Variants in ACSM5 observed in about 807,000 individuals in gnomAD.
ACSM5 encodes acyl-coenzyme A synthetase ACSM5, mitochondrial.
Under a neutral mutation model 71.6 loss-of-function variants are expected in ACSM5, and 56 were observed. The ratio of observed to expected loss-of-function variants is 0.78; its 90% confidence interval spans 0.63 to 0.98. The LOEUF (loss-of-function observed/expected upper bound fraction) is 0.98. Ranked by LOEUF, ACSM5 falls within the 50% of genes least tolerant of loss-of-function variation. The pLI, the probability that ACSM5 is intolerant of heterozygous loss-of-function variation, is 0.00. For missense variants in ACSM5, 723 were observed against 726.0 expected (o/e 1.00, Z 0.05); for synonymous variants, 285 against 281.5 (o/e 1.01, Z -0.12).
chr16:20,424,957 G>T (rs958081568), intron 6 of ACSM5, among the ~76,000 whole-genome samples: 153 of 152,168 alleles, frequency 1.0e-3, no homozygotes, highest in African/African-American at 3.4e-3. Flanking sequence ...AGAGAATGGG[G>T]TATCCATACC....
At chr16:20,428,145 C>T (rs1278281346) in intron 7 of ACSM5, among the ~76,000 whole-genome samples, 8 of 152,182 alleles carry the variant, frequency 5.3e-5, no homozygotes, top group African/African-American at 1.7e-4. Context: ...AGATTTAAGG[C>T]AGACTGAAAT....
At chr16:20,417,992 CA>C in intron 2 of ACSM5, 66 bp from the exon 3 acceptor site, 1 of 1,447,498 alleles carries the variant, frequency 6.9e-7, no homozygotes, top group Non-Finnish European at 9.5e-7. Flanking sequence ...AAACATTAAA[CA>C]GCAACAAGCA....
At chr16:20,421,674 T>C (rs975566133) in intron 5 of ACSM5, among the ~76,000 whole-genome samples, 1 of 142,670 alleles carries the variant, frequency 7.0e-6, no homozygotes, top group African/African-American at 2.7e-5. Context: ...CACATATATA[T>C]ACATACATAC....
chr16:20,417,442 A>G lies in ACSM5; in HGVS notation c.205-617A>G, dbSNP rs573952971. On this transcript the variant is annotated intron_variant, in intron 2 of 13. Coordinates refer to ENST00000331849, the MANE Select transcript of ACSM5 (RefSeq NM_017888.3). ...TGAAAGCATTGTACAAAGTGAAAGAAACCAAACATAAAGCTACATATCATA... is the reference window on the plus strand; with the variant it reads ...TGAAAGCATTGTACAAAGTGAAAGAGACCAAACATAAAGCTACATATCATA... Among the ~76,000 whole-genome samples, 33 of 152,366 alleles carry G rather than the reference A, an allele frequency of 2.2e-4. No homozygotes were observed. The South Asian group carries it at 6.4e-3, about 30-fold the overall frequency.
chr16:20,419,382 G>A lies in ACSM5; in HGVS notation c.570G>A (p.Leu190=). 1 of 1,614,212 alleles carries A rather than the reference G, an allele frequency of 6.2e-7. No homozygotes were observed. Among genetic ancestry groups the A allele is most frequent in the Non-Finnish European group, 8.5e-7 (1 of 1,180,030 alleles). The change falls in exon 4 of 14, where the codon CTG becomes CTA. Residue 190 remains leucine, a synonymous_variant. Transcript: ENST00000331849. ...SAECPSLQTK[L]LVSDSSRPGW... ...AATGCCCCTCCCTCCAGACCAAGCTGCTGGTGTCAGACAGCAGTCGGCCAG... is the reference window on the plus strand; with the variant it reads ...AATGCCCCTCCCTCCAGACCAAGCTACTGGTGTCAGACAGCAGTCGGCCAG...
At chr16:20,423,658 T>G (rs556227544) in intron 5 of ACSM5, among the ~76,000 whole-genome samples, 11 of 152,342 alleles carry the variant, frequency 7.2e-5, no homozygotes, top group Non-Finnish European at 1.3e-4. Context: ...TGAGGTTAAT[T>G]TTTTCCCCTT....
intron 10 of ACSM5, among the ~76,000 whole-genome samples, chr16:20,433,086 G>C (rs1713721900): frequency 6.6e-6 from 1 of 151,976 alleles, no homozygotes; most frequent in African/African-American, 2.4e-5. Flanking sequence ...TGGAATTTCT[G>C]GCCTCAAGTG....
intron 12 of ACSM5, among the ~76,000 whole-genome samples, chr16:20,438,338 C>T (rs1038423492): frequency 5.9e-5 from 9 of 151,324 alleles, no homozygotes; most frequent in Non-Finnish European, 1.2e-4. Context: ...GGACTGCTTG[C>T]AACTGTATCA....
intron 1 of ACSM5, among the ~76,000 whole-genome samples, chr16:20,410,881 T>C (rs1476198141): frequency 1.3e-5 from 2 of 152,144 alleles, no homozygotes; most frequent in Non-Finnish European, 2.9e-5. Flanking sequence ...AAGGGTAAAG[T>C]CTATTTCAGA....
chr16:20,421,490 G>T (rs111816843), intron 5 of ACSM5, 89 bp downstream of exon 5: 44,978 of 1,268,588 alleles, frequency 0.035, 965 homozygotes, highest in South Asian at 0.068. Flanking sequence ...TGTCAGGAAC[G>T]GAGGTCAGAG....
At chr16:20,433,030 G>A (rs754078821) in intron 10 of ACSM5, among the ~76,000 whole-genome samples, 4 of 151,650 alleles carry the variant, frequency 2.6e-5, no homozygotes, top group Non-Finnish European at 5.9e-5. Context: ...GGTAATTTTG[G>A]TATTTTTAGT....
rs1447709079 is a variant in ACSM5 at position 20,429,817 on chromosome 16, G to A, written c.1125+16G>A. 4.3e-6 allele frequency: 7 copies of A among 1,610,624 alleles called. No individual in the cohort carries two copies. Among genetic ancestry groups the A allele is most frequent in the Non-Finnish European group, 5.9e-6 (7 of 1,178,882 alleles). ...GTCTGAAACGGTGAGTGCTGGAGGG[G>A]CCAGGTCCCTACCCCCCAGGTCCCC... On this transcript the variant is annotated intron_variant, in intron 8 of 13. Coordinates refer to ENST00000331849, the MANE Select transcript of ACSM5 (RefSeq NM_017888.3).
In ACSM5 at chr16:20,430,869, A is replaced by T. The variant is rs370763799; in HGVS notation, c.1126-124A>T. 3.0e-4 allele frequency: 200 copies of T among 660,568 alleles called. 1 individual carries two copies. In the African/African-American group the frequency reaches 3.1e-3, roughly 10 times the overall value. 40.9% of individuals were successfully genotyped at this position (660,568 alleles called of 1,614,324 possible). A position where few individuals can be genotyped will look rare whatever the true frequency, so the allele number is the denominator to read the frequency against. ...AGAGAGGAGAAGGGAAAGAAAGAAG[A>T]AAGTGAGGGAGGAGAAAAAAGAGGA... is the stretch of plus-strand genomic sequence containing the variant. On this transcript the variant is annotated intron_variant, in intron 8 of 13. Coordinates refer to ENST00000331849, the MANE Select transcript of ACSM5 (RefSeq NM_017888.3).
intron 2 of ACSM5, chr16:20,411,896 G>A (rs974857556): frequency 1.7e-6 from 1 of 581,466 alleles, no homozygotes; most frequent in Non-Finnish European, 3.1e-6. Context: ...TTCCTTCTCT[G>A]AAGTGTCCTG....
At chr16:20,414,629 A>T in intron 2 of ACSM5, among the ~76,000 whole-genome samples, 1 of 152,226 alleles carries the variant, frequency 6.6e-6, no homozygotes, top group African/African-American at 2.4e-5. Flanking sequence ...AATAGATGGG[A>T]TTATTCAAAA....
In ACSM5 at chr16:20,421,417, G is replaced by C. The variant is rs771645771; in HGVS notation, c.767+16G>C. On this transcript the variant is annotated intron_variant, in intron 5 of 13. Coordinates refer to ENST00000331849, the MANE Select transcript of ACSM5 (RefSeq NM_017888.3). ...CCAGCGGAAGGTACCAGAGCAGCTT[G>C]TCTAGAGGATCCAAGAACAGAAAGT... 1.3e-6 allele frequency: 2 copies of C among 1,560,080 alleles called. No individual in the cohort carries two copies. Among genetic ancestry groups the C allele is most frequent in the East Asian group, 4.7e-5 (2 of 42,594 alleles).
At chr16:20,431,408 T>C (rs748603256) in intron 10 of ACSM5, 87 bp downstream of exon 10, 2 of 1,095,040 alleles carry the variant, frequency 1.8e-6, no homozygotes, top group Admixed American at 3.5e-5. Context: ...ATTTGTTTAA[T>C]CCTTACAATG....
Position 20,418,186 on chromosome 16 carries a change from G to A in ACSM5, c.332G>A (p.Gly111Asp). The stretch of plus-strand genomic sequence containing the variant: ...GCCAATGTGCTGGGGGGTGCATGCG[G>A]CCTGCAGCCTGGGGACAGAATGATG... ...KAANVLGGAC[G>D]LQPGDRMMLV... The change falls in exon 3 of 14, where the codon GGC becomes GAC. Residue 111 changes from glycine to aspartate, a missense_variant. Transcript: ENST00000331849. 2 of 1,613,084 alleles carry A rather than the reference G, an allele frequency of 1.2e-6. No individual in the cohort carries two copies. The highest frequency in any genetic ancestry group is 1.7e-6 in the Non-Finnish European group (2 of 1,179,874).
chr16:20,412,171 C>T lies in ACSM5; in HGVS notation c.204+483C>T, dbSNP rs138934673. Reference sequence around the variant, plus strand: ...GACCACCCTCACCAACATGGTGAAACTCCGTCTCTACTAAAAATAAAATAA... The same window carrying T: ...GACCACCCTCACCAACATGGTGAAATTCCGTCTCTACTAAAAATAAAATAA... On this transcript the variant is annotated intron_variant, in intron 2 of 13. Coordinates refer to ENST00000331849, the MANE Select transcript of ACSM5 (RefSeq NM_017888.3). The T allele has an allele frequency of 5.9e-3, 932 of 156,772 alleles. 12 individuals are homozygous for T. The highest frequency in any genetic ancestry group is 0.02 in the African/African-American group (840 of 41,092). 9.7% of individuals were successfully genotyped at this position (156,772 alleles called of 1,614,324 possible).
Sources: gnomAD v4.1 joint callset for allele counts (sites outside exome capture counted in the v4.1 genomes callset) on GRCh38, gnomAD v4.1.1 for gene constraint, MANE v1.5 for transcripts, NCBI Gene and HGNC (gene_info 2026-07-23, HGNC 2026-07-21) for gene names.